The following BCAS3 variants were observed in gnomAD, a reference collection of about 807,000 sequenced individuals.
BCAS3 encodes the protein BCAS3 microtubule associated cell migration factor.
Under a neutral mutation model 116.1 loss-of-function variants are expected in BCAS3, and 53 were observed. The observed-to-expected ratio is 0.46, with a 90% CI of 0.37 to 0.57. The LOEUF (loss-of-function observed/expected upper bound fraction) is 0.57, where lower values mean the gene tolerates loss of function less well. BCAS3 is among the 20% of genes least tolerant of loss of function. BCAS3 has a pLI of 0.00. For missense variants in BCAS3, 917 were observed against 1,165.4 expected, an observed-to-expected ratio of 0.79 and a Z score of 3.10; for synonymous variants, 391 against 408.2, an observed-to-expected ratio of 0.96 and a Z score of 0.51.
Position 61,136,881 on chromosome 17 carries a change from C to T in BCAS3, c.2425+52317C>T, listed in dbSNP as rs1465377932. On this transcript the variant is annotated intron_variant, in intron 22 of 23. Coordinates refer to ENST00000407086, the MANE Select transcript of BCAS3 (RefSeq NM_017679.5). This position sits in a 1 kb window ranked among gnomAD's most constrained non-coding sequence, Gnocchi z 4.4. ...GCCAATTGTCCCCATTTAAGAACCA[C>T]TACCCTGGAAACCAGCAGTAACCAG... Among the ~76,000 whole-genome samples the T allele has an allele frequency of 2.0e-5, 3 of 152,096 alleles. No individual in the cohort carries two copies. The highest frequency in any genetic ancestry group is 1.9e-4 in the East Asian group (1 of 5,190).
rs2145598472 is a variant in BCAS3, at chr17:61,034,873, A to G, written c.1762+83A>G. On this transcript the variant is annotated intron_variant, in intron 17 of 23. Coordinates refer to ENST00000407086, the MANE Select transcript of BCAS3 (RefSeq NM_017679.5). This position sits in a 1 kb window ranked among gnomAD's most constrained non-coding sequence, Gnocchi z 5.0. ...AATTTTTAGCAGTTTCCCTAGAATA[A>G]TCTTGTACCCAGTAGTCTGGAAACC... The G allele has an allele frequency of 7.2e-7, 1 of 1,380,664 alleles. No individual in the cohort carries two copies. The highest frequency in any genetic ancestry group is 9.9e-7 in the Non-Finnish European group (1 of 1,010,354). 85.5% of individuals were successfully genotyped at this position (1,380,664 alleles called of 1,614,324 possible).
rs1286523063 is a variant in BCAS3 at position 60,874,757 on chromosome 17, T to C, written c.661+19T>C. 3 of 1,557,388 alleles carry C rather than the reference T, an allele frequency of 1.9e-6. No individual in the cohort carries two copies. The highest frequency in any genetic ancestry group is 1.8e-6 in the Non-Finnish European group (2 of 1,132,642). On this transcript the variant is annotated intron_variant, in intron 9 of 23. Coordinates refer to ENST00000407086, the MANE Select transcript of BCAS3 (RefSeq NM_017679.5). ...GTTACAAGTATGTACCAATTTTTTT[T>C]CCCTTCTTATGCCTTTGGGTTTATA... is the stretch of plus-strand genomic sequence containing the variant.
At chr17:61,018,718 T>TA (rs1435807008) in intron 16 of BCAS3, among the ~76,000 whole-genome samples, 2 of 152,160 alleles carry the variant, frequency 1.3e-5, no homozygotes, top group African/African-American at 4.8e-5. Flanking sequence ...CACTAACATG[T>TA]TACGTTTTTG....
intron 22 of BCAS3, among the ~76,000 whole-genome samples, chr17:61,129,756 C>G (rs540744230): frequency 1.3e-5 from 2 of 152,200 alleles, no homozygotes; most frequent in Non-Finnish European, 2.9e-5. Context: ...TAGTTCCTCC[C>G]GTGGACTTCA....
At chr17:60,839,831 AT>A (rs527782334) in intron 7 of BCAS3, among the ~76,000 whole-genome samples, 160 of 152,260 alleles carry the variant, frequency 1.1e-3, no homozygotes, top group African/African-American at 3.8e-3. Flanking sequence ...TGTCTTTGCT[AT>A]TTTGTGTTTC....
intron 19 of BCAS3, among the ~76,000 whole-genome samples, chr17:61,074,245 AG>A (rs2071736941): frequency 6.6e-6 from 1 of 152,040 alleles, no homozygotes; most frequent in Non-Finnish European, 1.5e-5. Flanking sequence ...GAAGAAAAAA[AG>A]AAAAAAATAC....
intron 12 of BCAS3, among the ~76,000 whole-genome samples, chr17:60,920,667 A>G (rs910400126): frequency 6.6e-6 from 1 of 152,058 alleles, no homozygotes; most frequent in African/African-American, 2.4e-5. Flanking sequence ...TCGGGAGATC[A>G]AGACCATCCT....
chr17:61,136,123 C>T lies in BCAS3; in HGVS notation c.2425+51559C>T, dbSNP rs2076622410. ...TCTAACAATTCTCAACTACTAGCAC[C>T]TCTTAGACTCCAAAATGCTTTGCAC... is the stretch of plus-strand genomic sequence containing the variant. On this transcript the variant is annotated intron_variant, in intron 22 of 23. Coordinates refer to ENST00000407086, the MANE Select transcript of BCAS3 (RefSeq NM_017679.5). The surrounding 1 kb of genome is among the most constrained non-coding windows in gnomAD (Gnocchi z 4.4). Among the ~76,000 whole-genome samples, 1 of 152,220 alleles carries T rather than the reference C, an allele frequency of 6.6e-6. No homozygotes were observed. Among genetic ancestry groups the T allele is most frequent in the African/African-American group, 2.4e-5 (1 of 41,456 alleles).
At chr17:61,341,520 G>A (rs1017491518) in intron 22 of BCAS3, among the ~76,000 whole-genome samples, 1 of 152,206 alleles carries the variant, frequency 6.6e-6, no homozygotes, top group Non-Finnish European at 1.5e-5. Context: ...AGCTGGTGGA[G>A]CCGGAACACT....
At position 61,377,586 on chromosome 17, in the gene BCAS3, C is replaced by T. The variant is rs2059397283; in HGVS notation, c.2593+9092C>T. On this transcript the variant is annotated intron_variant, in intron 23 of 23. Coordinates refer to ENST00000407086, the MANE Select transcript of BCAS3 (RefSeq NM_017679.5). This position sits in a 1 kb window ranked among gnomAD's most constrained non-coding sequence, Gnocchi z 4.6. ...GGCAAGTGCCTTTCCCTCTCTGGGCCAGTTTCTTCCTCTGTGACACAGTGT... is the reference window on the plus strand; with the variant it reads ...GGCAAGTGCCTTTCCCTCTCTGGGCTAGTTTCTTCCTCTGTGACACAGTGT... 6.6e-6 allele frequency among the ~76,000 whole-genome samples: 1 copy of T among 152,174 alleles called. No homozygotes were observed. Among genetic ancestry groups the T allele is most frequent in the Non-Finnish European group, 1.5e-5 (1 of 68,024 alleles).
chr17:61,179,601 G>C (rs1234158731), intron 22 of BCAS3, among the ~76,000 whole-genome samples: 3 of 152,152 alleles, frequency 2.0e-5, no homozygotes, highest in Non-Finnish European at 4.4e-5. Context: ...CTTTACTAAG[G>C]CTTAATCTGT....
rs1039155598 is a variant in BCAS3, at chr17:61,324,534, G to C, written c.2426-43793G>C. ...TATATATCCTGACCCCGGGTTGGCT[G>C]TGTGTTAAAAAATCAAACTGAAATC... On this transcript the variant is annotated intron_variant, in intron 22 of 23. Transcript: ENST00000407086. This position sits in a 1 kb window ranked among gnomAD's most constrained non-coding sequence, Gnocchi z 4.6. Among the ~76,000 whole-genome samples, 1 of 152,212 alleles carries C rather than the reference G, an allele frequency of 6.6e-6. No individual in the cohort carries two copies. The highest frequency in any genetic ancestry group is 6.5e-5 in the Admixed American group (1 of 15,280).
At chr17:60,786,571 A>ATATATATATATATATAT (rs34629256) in intron 6 of BCAS3, among the ~76,000 whole-genome samples, 1 of 149,574 alleles carries the variant, frequency 6.7e-6, no homozygotes, top group African/African-American at 2.5e-5. Context: ...ATATATATAT[A>ATATATATATATATATAT]AAATGTGTCA....
At chr17:60,811,981 A>G (rs529993537) in intron 7 of BCAS3, among the ~76,000 whole-genome samples, 23 of 152,022 alleles carry the variant, frequency 1.5e-4, no homozygotes, top group African/African-American at 4.6e-4. Flanking sequence ...TGAGCCTGGG[A>G]GGCAGAGGTT....
At chr17:60,839,471 A>G (rs1360440778) in intron 7 of BCAS3, among the ~76,000 whole-genome samples, 7 of 152,120 alleles carry the variant, frequency 4.6e-5, no homozygotes, top group East Asian at 1.9e-4. Context: ...TTACCTCTCT[A>G]TAAGTTGTGC....
At chr17:60,976,020 C>CTTTTTTTTTGTTTTTTT (rs2062328600) in intron 14 of BCAS3, among the ~76,000 whole-genome samples, 11 of 98,282 alleles carry the variant, frequency 1.1e-4, no homozygotes, top group Admixed American at 4.8e-4. Context: ...TAGATTTTTG[C>CTTTTTTTTTGTTTTTTT]TTTTTTTTTT....
intron 14 of BCAS3, among the ~76,000 whole-genome samples, chr17:60,959,018 A>G (rs2145297211): frequency 6.6e-6 from 1 of 152,320 alleles, no homozygotes; most frequent in South Asian, 2.1e-4. Context: ...ACAGACTTTT[A>G]AAATGTGACA....
intron 4 of BCAS3, among the ~76,000 whole-genome samples, chr17:60,707,411 A>G (rs2037307964): frequency 6.6e-6 from 1 of 152,162 alleles, no homozygotes; most frequent in Non-Finnish European, 1.5e-5. Flanking sequence ...TACTCAGTCT[A>G]TACGTGGATT....
chr17:60,799,686 G>A (rs1164976368), intron 6 of BCAS3, among the ~76,000 whole-genome samples: 4 of 142,512 alleles, frequency 2.8e-5, no homozygotes, highest in East Asian at 2.0e-4. Context: ...GCGCCACTAC[G>A]CCTGGCTAAT....
Sources: gnomAD v4.1 joint callset for allele counts (sites outside exome capture counted in the v4.1 genomes callset) on GRCh38, gnomAD v4.1.1 for gene constraint, Gnocchi (gnomAD v3.1) non-coding constraint, MANE v1.5 for transcripts, NCBI Gene and HGNC (gene_info 2026-07-23, HGNC 2026-07-21) for gene names.